The following PRKAA2 variants were observed in gnomAD, a reference collection of about 807,000 sequenced individuals.
The protein encoded by PRKAA2 is 5'-AMP-activated protein kinase catalytic subunit alpha-2.
Under a neutral mutation model 56.3 loss-of-function variants are expected in PRKAA2, and 40 were observed. The ratio of observed to expected loss-of-function variants is 0.71; its 90% CI spans 0.55 to 0.92. PRKAA2 has a LOEUF of 0.92. PRKAA2 is among the 40% of genes least tolerant of loss of function. The pLI is 0.00. For synonymous variants in PRKAA2, 214 were observed against 234.2 expected, an observed-to-expected ratio of 0.91 and a Z score of 0.79; for missense variants, 542 against 686.9, an observed-to-expected ratio of 0.79 and a Z score of 2.36.
At chr1:56,667,311 G>T (rs1176888571) in intron 1 of PRKAA2, among the ~76,000 whole-genome samples, 2 of 151,984 alleles carry the variant, frequency 1.3e-5, no homozygotes, top group Non-Finnish European at 1.5e-5. Flanking sequence ...CCTTCAGACT[G>T]TTTAGGGTCG....
intron 1 of PRKAA2, among the ~76,000 whole-genome samples, chr1:56,661,487 T>A (rs922070492): frequency 4.6e-5 from 7 of 152,186 alleles, no homozygotes; most frequent in African/African-American, 7.2e-5. Context: ...ATGAGATCTA[T>A]CCATGTCATT....
At chr1:56,655,410 C>A (rs889257661) in intron 1 of PRKAA2, among the ~76,000 whole-genome samples, 7 of 92,514 alleles carry the variant, frequency 7.6e-5, no homozygotes, top group Non-Finnish European at 1.3e-4. Context: ...CCACCATGCC[C>A]AGCTTTTTTT....
At chr1:56,680,284 C>T (rs1376209143) in intron 2 of PRKAA2, among the ~76,000 whole-genome samples, 1 of 152,008 alleles carries the variant, frequency 6.6e-6, no homozygotes, top group Admixed American at 6.6e-5. Context: ...GTTGTAATTG[C>T]ACATTTTCTT....
Position 56,691,395 on chromosome 1 carries a change from T to TA in PRKAA2, c.239dup (p.Tyr80Ter). The change falls in exon 3 of 9, where the codon TAC becomes TAAC. Residue 80 changes from tyrosine (Y) to a stop codon, truncating the protein, a stop_gained and frameshift_variant and splice_region_variant. Coordinates refer to ENST00000371244, the MANE Select transcript of PRKAA2 (RefSeq NM_006252.4). LOFTEE classifies it high-confidence loss of function. ...AACTTTTTTTAATTAACAAAAAAGA[T>TA]ACCAGGTGATCAGCACTCCAACAGA... is the stretch of plus-strand genomic sequence containing the variant. ...LFRHPHIIKL[Y>*]QVISTPTDFF... is the part of the protein sequence containing the mutation. The TA allele has an allele frequency of 6.2e-7, 1 of 1,608,080 alleles. No homozygotes were observed. The highest frequency in any genetic ancestry group is 8.5e-7 in the Non-Finnish European group (1 of 1,176,214).
Position 56,712,801 on chromosome 1 carries a change from A to C in PRKAA2, c.*5088A>C, listed in dbSNP as rs1003250355. On this transcript the variant is annotated 3_prime_UTR_variant, in exon 9 of 9. Coordinates refer to ENST00000371244, the MANE Select transcript of PRKAA2 (RefSeq NM_006252.4). ...TGGGAGGCAGAGATTGCAATAAGCC[A>C]AGATCATGCCACTGCATGCCAGCCT... The C allele has an allele frequency of 3.3e-5, 5 of 152,126 alleles. No homozygotes were observed. The highest frequency in any genetic ancestry group is 1.2e-4 in the African/African-American group (5 of 41,426). The allele number at this position is 152,126 out of a possible 1,614,324, so 9.4% of individuals were successfully genotyped here.
intron 2 of PRKAA2, among the ~76,000 whole-genome samples, chr1:56,676,700 T>G (rs1183579510): frequency 6.6e-6 from 1 of 152,218 alleles, no homozygotes. Flanking sequence ...ATTTGGAACA[T>G]TCATTTAGTC....
chr1:56,701,391 T>C (rs1644292550), intron 6 of PRKAA2, among the ~76,000 whole-genome samples: 1 of 151,078 alleles, frequency 6.6e-6, no homozygotes, highest in Admixed American at 6.6e-5. Context: ...CGAGACTCCA[T>C]CTCAAAAAAA....
rs534372739 is a variant in PRKAA2 at position 56,696,120 on chromosome 1, A to T, written c.749A>T (p.Gln250Leu). 6.2e-7 allele frequency: 1 copy of T among 1,613,552 alleles called. No individual in the cohort carries two copies. The highest frequency in any genetic ancestry group is 8.5e-7 in the Non-Finnish European group (1 of 1,179,936). The change falls in exon 6 of 9, where the codon CAG becomes CTG. Residue 250 changes from glutamine to leucine, a missense_variant. Gln to Leu is a moderately radical substitution (Grantham distance 113). Coordinates refer to ENST00000371244, the MANE Select transcript of PRKAA2 (RefSeq NM_006252.4). ...SVATLLMHML[Q>L]VDPLKRATIK... Reference sequence around the variant, plus strand: ...GCCACTCTCCTGATGCATATGCTGCAGGTTGACCCACTGAAACGAGCAACT... The same window carrying T: ...GCCACTCTCCTGATGCATATGCTGCTGGTTGACCCACTGAAACGAGCAACT...
At chr1:56,680,833 CTT>C (rs1644148505) in intron 2 of PRKAA2, among the ~76,000 whole-genome samples, 1 of 152,178 alleles carries the variant, frequency 6.6e-6, no homozygotes, top group South Asian at 2.1e-4. Context: ...GTGCATGTGT[CTT>C]TATAGCATCA....
At position 56,707,770 on chromosome 1, in the gene PRKAA2, T is replaced by G. The variant is rs1035666010; in HGVS notation, c.*57T>G. On this transcript the variant is annotated 3_prime_UTR_variant, in exon 9 of 9. Coordinates refer to ENST00000371244, the MANE Select transcript of PRKAA2 (RefSeq NM_006252.4). ...ATGAAAATCAGTTATATTCTTTAAA[T>G]TTTTATCTTACTTTTGGATAATATC... The G allele has an allele frequency of 1.5e-5, 21 of 1,431,680 alleles. No homozygotes were observed. Among genetic ancestry groups the G allele is most frequent in the Non-Finnish European group, 1.9e-5 (20 of 1,036,142 alleles). 88.7% of individuals were successfully genotyped at this position (1,431,680 alleles called of 1,614,324 possible).
intron 4 of PRKAA2, 30 bp downstream of exon 4, chr1:56,692,532 T>C (rs763864293): frequency 6.2e-7 from 1 of 1,601,938 alleles, no homozygotes; most frequent in Non-Finnish European, 8.5e-7. Context: ...TTCAGAAAGG[T>C]ACTAGCTACC....
intron 1 of PRKAA2, among the ~76,000 whole-genome samples, chr1:56,659,912 T>A (rs1643980827): frequency 6.6e-6 from 1 of 152,130 alleles, no homozygotes; most frequent in African/African-American, 2.4e-5. Context: ...TGTCTCTAAA[T>A]AAATAAATAA....
At chr1:56,670,314 A>G (rs1045973043) in intron 1 of PRKAA2, among the ~76,000 whole-genome samples, 2 of 152,208 alleles carry the variant, frequency 1.3e-5, no homozygotes, top group African/African-American at 4.8e-5. Context: ...GCTGTCTTGT[A>G]AAAGTCTGAG....
At chr1:56,694,274 T>C (rs1028459011) in intron 5 of PRKAA2, among the ~76,000 whole-genome samples, 2 of 152,290 alleles carry the variant, frequency 1.3e-5, no homozygotes, top group East Asian at 3.9e-4. Flanking sequence ...GGGAAAATAT[T>C]GTTTCATGAA....
At chr1:56,704,872 T>G (rs1644321492) in intron 7 of PRKAA2, among the ~76,000 whole-genome samples, 1 of 152,060 alleles carries the variant, frequency 6.6e-6, no homozygotes, top group African/African-American at 2.4e-5. Flanking sequence ...TAATAGCTAG[T>G]GGTTGATACA....
rs1313467284 is a variant in PRKAA2 at position 56,709,238 on chromosome 1, T to A, written c.*1525T>A. On this transcript the variant is annotated 3_prime_UTR_variant, in exon 9 of 9. Transcript: ENST00000371244. ...TCTGCCAAGAAGCAAATGAGAATGT[T>A]AGACTAAGTTTCTCCTGTGTTAGTG... is the stretch of plus-strand genomic sequence containing the variant. The A allele has an allele frequency of 6.6e-6, 1 of 152,194 alleles. No individual in the cohort carries two copies. Among genetic ancestry groups the A allele is most frequent in the African/African-American group, 2.4e-5 (1 of 41,454 alleles). The allele number at this position is 152,194 out of a possible 1,614,324, so 9.4% of individuals were successfully genotyped here.
At chr1:56,705,477 T>C (rs1644325252) in intron 7 of PRKAA2, among the ~76,000 whole-genome samples, 1 of 152,080 alleles carries the variant, frequency 6.6e-6, no homozygotes, top group African/African-American at 2.4e-5. Flanking sequence ...CGATCTTGGC[T>C]CACTGCAACC....
rs376352128 is a variant in PRKAA2 at position 56,704,266 on chromosome 1, G to A, written c.1084G>A (p.Gly362Ser). The change falls in exon 7 of 9, where the codon GGC (glycine) becomes AGC (serine). Residue 362 changes from glycine to serine, a missense_variant. Transcript: ENST00000371244. ...MDDSAMHIPPGLKPHPERMPP... is the reference protein window; with the variant it reads ...MDDSAMHIPPSLKPHPERMPP... ...TGATAGTGCCATGCATATTCCCCCA[G>A]GCCTGAAACCTCATCCAGAAAGGAT... 9 of 1,613,898 alleles carry A rather than the reference G, an allele frequency of 5.6e-6. No homozygotes were observed.
At chr1:56,669,226 A>C (rs1644057847) in intron 1 of PRKAA2, among the ~76,000 whole-genome samples, 1 of 152,152 alleles carries the variant, frequency 6.6e-6, no homozygotes, top group Non-Finnish European at 1.5e-5. Flanking sequence ...TGGGAGGCTA[A>C]GGCAGGCAGA....
Sources: gnomAD v4.1 joint callset for allele counts (sites outside exome capture counted in the v4.1 genomes callset) on GRCh38, gnomAD v4.1.1 for gene constraint, MANE v1.5 for transcripts, NCBI Gene and HGNC (gene_info 2026-07-23, HGNC 2026-07-21) for gene names.